ARMH1: variants seen among roughly 807,000 people sequenced by gnomAD.
ARMH1 encodes the protein armadillo like helical domain containing 1.
Under a neutral mutation model 50.2 loss-of-function variants are expected in ARMH1, and 34 were observed. The observed-to-expected ratio is 0.68, with a 90% CI of 0.51 to 0.90. ARMH1 has a LOEUF of 0.90. ARMH1 is among the 40% of genes least tolerant of loss of function. The probability of loss-of-function intolerance (pLI) is 0.00; values close to 1 mark genes in which losing one functional copy is unlikely to be tolerated. For missense variants in ARMH1, 538 were observed against 553.9 expected, an observed-to-expected ratio of 0.97 and a Z score of 0.29; for synonymous variants, 221 against 224.2, an observed-to-expected ratio of 0.99 and a Z score of 0.13.
intron 6 of ARMH1, among the ~76,000 whole-genome samples, chr1:44,712,535 C>CAAAAAAA (rs35480137): frequency 1.5e-5 from 1 of 64,828 alleles, no homozygotes; most frequent in Non-Finnish European, 3.3e-5. Flanking sequence ...CAGGGAACCG[C>CAAAAAAA]AAAAAAAAAA....
intron 6 of ARMH1, chr1:44,721,709 A>T (rs907559770): frequency 6.6e-6 from 1 of 152,150 alleles, no homozygotes; most frequent in African/African-American, 2.4e-5. Context: ...AACCTGGGTG[A>T]CATTTGTGGA....
At chr1:44,690,001 CA>C in intron 2 of ARMH1, 98 bp downstream of exon 2, 1 of 1,058,404 alleles carries the variant, frequency 9.4e-7, no homozygotes, top group Non-Finnish European at 1.4e-6. Flanking sequence ...GGGCAGATCA[CA>C]AGGTCAGGAG....
rs534461813 is a variant in ARMH1 at position 44,689,877 on chromosome 1, A to G, written c.180A>G (p.Val60=). ...CCCAGGGAGCCAGTTTGTTCCTGGT[A>G]CGCTTGACCACCTCGCTTAGAATCA... ...EFSQGASLFL[V]RLTTSLRITY... The change falls in exon 2 of 12, where the codon GTA becomes GTG. Residue 60 remains valine (V), a synonymous_variant. Transcript: ENST00000535358. The G allele has an allele frequency of 6.4e-7, 1 of 1,550,550 alleles. No individual in the cohort carries two copies. Among genetic ancestry groups the G allele is most frequent in the Non-Finnish European group, 8.7e-7 (1 of 1,146,688 alleles).
intron 6 of ARMH1, among the ~76,000 whole-genome samples, chr1:44,720,238 C>T (rs1050471949): frequency 2.6e-4 from 39 of 147,506 alleles, no homozygotes; most frequent in African/African-American, 9.6e-4. Context: ...ATGGGGTATA[C>T]GGGGAGACAG....
chr1:44,718,832 C>G (rs1386299334), intron 6 of ARMH1, among the ~76,000 whole-genome samples: 1 of 152,080 alleles, frequency 6.6e-6, no homozygotes, highest in Non-Finnish European at 1.5e-5. Flanking sequence ...CAAGACCAGC[C>G]TGACCACCAT....
Position 44,724,310 on chromosome 1 carries a change from C to T in ARMH1, c.848-10C>T. 1 of 1,551,294 alleles carries T rather than the reference C, an allele frequency of 6.4e-7. No homozygotes were observed. Among genetic ancestry groups the T allele is most frequent in the Non-Finnish European group, 8.7e-7 (1 of 1,146,746 alleles). On this transcript the variant is annotated splice_polypyrimidine_tract_variant and intron_variant, in intron 7 of 11. Coordinates refer to ENST00000535358, the MANE Select transcript of ARMH1 (RefSeq NM_001145636.2). The surrounding 1 kb of genome is among the most constrained non-coding windows in gnomAD (Gnocchi z 6.4). ...GGCGGTCTCTTGCCTCACGGCTGCC[C>T]CCTCCTCAGACCCCTCGGTTCTCCA...
Position 44,724,541 on chromosome 1 carries a change from T to A in ARMH1, c.923T>A (p.Val308Asp). 6.6e-7 allele frequency: 1 copy of A among 1,509,350 alleles called. No individual in the cohort carries two copies. The highest frequency in any genetic ancestry group is 2.7e-5 in the East Asian group (1 of 36,812). 93.5% of individuals were successfully genotyped at this position (1,509,350 alleles called of 1,614,324 possible). Residue 308 changes from valine to aspartate, a missense_variant and splice_region_variant, in exon 9 of 12, where the codon GTC (valine) becomes GAC (aspartate). By Grantham distance (152) the Val-to-Asp change is radical. Coordinates refer to ENST00000535358, the MANE Select transcript of ARMH1 (RefSeq NM_001145636.2). The surrounding 1 kb of genome is among the most constrained non-coding windows in gnomAD (Gnocchi z 6.4). ...CCCAGCCCGAACCCCCGGCCCAGGG[T>A]CCTGGCGCGCAACGACATGAGCATC... ...QQAAAAKAIG[V>D]LARNDMSIAE...
At chr1:44,703,455 G>C (rs1484233998) in intron 5 of ARMH1, among the ~76,000 whole-genome samples, 3 of 151,726 alleles carry the variant, frequency 2.0e-5, no homozygotes, top group Admixed American at 2.0e-4. Flanking sequence ...GGGCACAGTG[G>C]CTCATGCCTG....
At chr1:44,721,713 TTGTGGAGCTACCCCAAC>T (rs1304793380) in intron 6 of ARMH1, 4 of 151,996 alleles carry the variant, frequency 2.6e-5, no homozygotes, top group Non-Finnish European at 5.9e-5. Context: ...TGGGTGACAT[TTGTGGAGCTACCCCAAC>T]CTCCCAAAGC....
intron 6 of ARMH1, among the ~76,000 whole-genome samples, chr1:44,722,339 A>C (rs1267862935): frequency 6.6e-6 from 1 of 152,088 alleles, no homozygotes; most frequent in Non-Finnish European, 1.5e-5. Context: ...GGATCGCTTG[A>C]GCCCAGGAGT....
chr1:44,714,602 G>T (rs1278731800), intron 6 of ARMH1, among the ~76,000 whole-genome samples: 1 of 151,770 alleles, frequency 6.6e-6, no homozygotes, highest in Non-Finnish European at 1.5e-5. Context: ...AAAAAAAAAG[G>T]TAGCAGGGTA....
rs1557532355 is a variant in ARMH1, at chr1:44,698,216, T to C, written c.429T>C (p.Ile143=). 1.9e-6 allele frequency: 3 copies of C among 1,551,878 alleles called. No individual in the cohort carries two copies. The highest frequency in any genetic ancestry group is 1.7e-6 in the Non-Finnish European group (2 of 1,146,860). The part of the protein sequence containing the change: ...ANSGRTYKEL[I]CESYGVRSIA... ...CTGGCAGGACATACAAGGAACTCAT[T>C]TGTGAAAGCTATGGTGGGTACTGTG... The change falls in exon 4 of 12, where the codon ATT becomes ATC. Residue 143 remains isoleucine, a synonymous_variant. Transcript: ENST00000535358.
intron 5 of ARMH1, among the ~76,000 whole-genome samples, chr1:44,703,048 C>T (rs1048070918): frequency 3.3e-5 from 5 of 151,770 alleles, no homozygotes; most frequent in Non-Finnish European, 5.9e-5. Flanking sequence ...AGTTGAAGGA[C>T]GATGTTGTTA....
At chr1:44,693,907 C>T (rs1394935629) in intron 2 of ARMH1, among the ~76,000 whole-genome samples, 1 of 152,146 alleles carries the variant, frequency 6.6e-6, no homozygotes, top group African/African-American at 2.4e-5. Flanking sequence ...TGACCACTGC[C>T]CCCTCTTAAG....
intron 6 of ARMH1, among the ~76,000 whole-genome samples, chr1:44,710,406 G>A (rs144993932): frequency 0.01 from 1,580 of 152,034 alleles, 15 homozygotes; most frequent in Non-Finnish European, 0.014. Context: ...TCAGGAGATC[G>A]AGACCATCCT....
intron 1 of ARMH1, among the ~76,000 whole-genome samples, chr1:44,677,056 G>C (rs1191122473): frequency 6.6e-6 from 1 of 152,192 alleles, no homozygotes; most frequent in Non-Finnish European, 1.5e-5. Flanking sequence ...GTGACAGGAA[G>C]CTGAGGGAAT....
At chr1:44,704,274 G>T in intron 6 of ARMH1, 101 bp downstream of exon 6, 1 of 882,116 alleles carries the variant, frequency 1.1e-6, no homozygotes, top group Non-Finnish European at 1.8e-6. Flanking sequence ...TTGAGTGTCT[G>T]AGACAGCCTT....
At chr1:44,716,256 C>A (rs774329285) in intron 6 of ARMH1, among the ~76,000 whole-genome samples, 4 of 152,192 alleles carry the variant, frequency 2.6e-5, no homozygotes, top group Non-Finnish European at 5.9e-5. Context: ...CCACCTACCA[C>A]CTTGATGACA....
chr1:44,689,726 T>G lies in ARMH1; in HGVS notation c.29T>G (p.Ile10Ser). Residue 10 changes from isoleucine (I) to serine (S), a missense_variant, in exon 2 of 12, where the codon ATT (isoleucine) becomes AGT (serine). Transcript: ENST00000535358. ...ACTTCTATAAAGGAGCAGGCAGCAATTAGCAGGCTCTTAAGTTTTTTACAG... is the reference window on the plus strand; with the variant it reads ...ACTTCTATAAAGGAGCAGGCAGCAAGTAGCAGGCTCTTAAGTTTTTTACAG... MTSIKEQAAISRLLSFLQEW... is the reference protein window; with the variant it reads MTSIKEQAASSRLLSFLQEW... The G allele has an allele frequency of 6.4e-7, 1 of 1,551,990 alleles. No homozygotes were observed. The highest frequency in any genetic ancestry group is 8.7e-7 in the Non-Finnish European group (1 of 1,147,056).
Sources: gnomAD v4.1 joint callset for allele counts (sites outside exome capture counted in the v4.1 genomes callset) on GRCh38, gnomAD v4.1.1 for gene constraint, Gnocchi (gnomAD v3.1) non-coding constraint, MANE v1.5 for transcripts, NCBI Gene and HGNC (gene_info 2026-07-23, HGNC 2026-07-21) for gene names.